Variants in PRKN observed in about 807,000 individuals in gnomAD.
The protein encoded by PRKN is parkin RBR E3 ubiquitin protein ligase, also known as E3 ubiquitin-protein ligase parkin.
In PRKN, 56 loss-of-function variants were observed where a neutral mutation model predicts 59.5. The observed-to-expected ratio is 0.94, with a 90% CI of 0.76 to 1.18. The LOEUF is 1.18. Among genes scored for constraint, PRKN ranks in the 50% most tolerant of loss-of-function variants. PRKN has a pLI of 0.00. For missense variants in PRKN, 657 were observed against 596.4 expected, an observed-to-expected ratio of 1.10 and a Z score of -1.06; for synonymous variants, 250 against 222.1, an observed-to-expected ratio of 1.13 and a Z score of -1.12.
At chr6:162,388,009 A>C (rs1307863279) in intron 2 of PRKN, among the ~76,000 whole-genome samples, 1 of 152,236 alleles carries the variant, frequency 6.6e-6, no homozygotes, top group Non-Finnish European at 1.5e-5. Flanking sequence ...TGGGGAAGGC[A>C]GAGCCAACAA....
In PRKN at chr6:161,533,690, G is replaced by T. The variant is rs759866895; in HGVS notation, c.1083+15164C>A. ...CAAGCCTGCCTATAAAATCTGCTGG[G>T]ATCTGCCACCTTAACCCTTTTTTTC... On this transcript the variant is annotated intron_variant, in intron 9 of 11. Transcript: ENST00000366898. This position sits in a 1 kb window ranked among gnomAD's most constrained non-coding sequence, Gnocchi z 4.1. 6.6e-6 allele frequency among the ~76,000 whole-genome samples: 1 copy of T among 152,096 alleles called. No individual in the cohort carries two copies. Among genetic ancestry groups the T allele is most frequent in the African/African-American group, 2.4e-5 (1 of 41,418 alleles).
chr6:162,273,269 C>T (rs1780474943), intron 2 of PRKN, among the ~76,000 whole-genome samples: 1 of 152,000 alleles, frequency 6.6e-6, no homozygotes, highest in African/African-American at 2.4e-5. Flanking sequence ...GAATGGGAGC[C>T]ATGTTTCCCT....
At chr6:162,261,406 G>C (rs1779880020) in intron 3 of PRKN, among the ~76,000 whole-genome samples, 1 of 151,270 alleles carries the variant, frequency 6.6e-6, no homozygotes, top group Non-Finnish European at 1.5e-5. Context: ...ATTTTCCATT[G>C]TTTGGTTTAT....
chr6:161,920,402 C>G (rs1222886130), intron 6 of PRKN, among the ~76,000 whole-genome samples: 1 of 151,158 alleles, frequency 6.6e-6, no homozygotes. Flanking sequence ...AAAAAGGAAA[C>G]CATAAAACAA....
chr6:162,182,822 G>A (rs764691016), intron 4 of PRKN, among the ~76,000 whole-genome samples: 42 of 152,022 alleles, frequency 2.8e-4, no homozygotes, highest in African/African-American at 5.3e-4. Flanking sequence ...TGCTCATTTT[G>A]TATCTCTTTG....
At chr6:162,685,386 A>G (rs2128233780) in intron 1 of PRKN, among the ~76,000 whole-genome samples, 1 of 152,292 alleles carries the variant, frequency 6.6e-6, no homozygotes, top group East Asian at 1.9e-4. Context: ...AATATTCAGA[A>G]AAGTATATAT....
Position 161,742,854 on chromosome 6 carries a change from C to T in PRKN, c.871+42918G>A, listed in dbSNP as rs560704883. Among the ~76,000 whole-genome samples the T allele has an allele frequency of 4.0e-4, 61 of 152,244 alleles. 2 individuals carry two copies. The South Asian group carries it at 0.011, about 27-fold the overall frequency. On this transcript the variant is annotated intron_variant, in intron 7 of 11. Transcript: ENST00000366898. ...CTGGTGAATGCCCACAGAGGGGTGG[C>T]GCCCCCTCATCTGACAACCAGGCCC... is the stretch of plus-strand genomic sequence containing the variant.
chr6:161,776,768 C>T (rs1420604215), intron 7 of PRKN, among the ~76,000 whole-genome samples: 11 of 152,166 alleles, frequency 7.2e-5, no homozygotes, highest in Non-Finnish European at 1.5e-4. Context: ...AGCAGGAGTA[C>T]GGAGCTCTGG....
At chr6:162,185,476 G>A (rs757534035) in intron 4 of PRKN, among the ~76,000 whole-genome samples, 3 of 152,050 alleles carry the variant, frequency 2.0e-5, no homozygotes, top group Admixed American at 6.6e-5. Context: ...TCATGTTGTC[G>A]AAGGAAACAA....
rs1786750091 is a variant in PRKN at position 161,396,158 on chromosome 6, C to T, written c.1084-9281G>A. ...CGCCTCTTTTCTTACTTTCTCTTTA[C>T]TGTAACCATTTCTGAAAACAATTCC... On this transcript the variant is annotated intron_variant, in intron 9 of 11. Transcript: ENST00000366898. This position sits in a 1 kb window ranked among gnomAD's most constrained non-coding sequence, Gnocchi z 5.4. 6.6e-6 allele frequency among the ~76,000 whole-genome samples: 1 copy of T among 152,186 alleles called. No individual in the cohort carries two copies. The highest frequency in any genetic ancestry group is 2.1e-4 in the South Asian group (1 of 4,830).
intron 1 of PRKN, among the ~76,000 whole-genome samples, chr6:162,660,678 T>C: frequency 6.6e-6 from 1 of 152,120 alleles, no homozygotes; most frequent in Non-Finnish European, 1.5e-5. Context: ...GGTCCTTCTA[T>C]CACTAGTAAC....
chr6:161,460,761 T>C lies in PRKN; in HGVS notation c.1084-73884A>G, dbSNP rs1339993417. Reference sequence around the variant, plus strand: ...CCAACCAAGAGTTATCTTTTTTTTTTTTTTCTTCAGATGGAGTCTCGTTCT... The same window carrying C: ...CCAACCAAGAGTTATCTTTTTTTTTCTTTTCTTCAGATGGAGTCTCGTTCT... On this transcript the variant is annotated intron_variant, in intron 9 of 11. Coordinates refer to ENST00000366898, the MANE Select transcript of PRKN (RefSeq NM_004562.3). The surrounding 1 kb of genome is among the most constrained non-coding windows in gnomAD (Gnocchi z 5.0). Among the ~76,000 whole-genome samples, 1 of 151,684 alleles carries C rather than the reference T, an allele frequency of 6.6e-6. No homozygotes were observed. The highest frequency in any genetic ancestry group is 1.5e-5 in the Non-Finnish European group (1 of 67,874).
chr6:162,272,449 T>C (rs1354097118), intron 2 of PRKN, among the ~76,000 whole-genome samples: 1 of 152,116 alleles, frequency 6.6e-6, no homozygotes, highest in East Asian at 1.9e-4. Flanking sequence ...ATTAAATTAA[T>C]GTTTTTAAAG....
At chr6:162,177,218 C>T (rs1455286270) in intron 4 of PRKN, among the ~76,000 whole-genome samples, 4 of 151,442 alleles carry the variant, frequency 2.6e-5, no homozygotes, top group Admixed American at 6.6e-5. Context: ...ATTATGCAGT[C>T]ATAAAAAATT....
intron 1 of PRKN, among the ~76,000 whole-genome samples, chr6:162,628,660 A>G (rs1034292368): frequency 2.0e-5 from 3 of 152,200 alleles, no homozygotes; most frequent in Non-Finnish European, 4.4e-5. Flanking sequence ...CAGATAAGAC[A>G]AGAAAAAAAA....
chr6:161,887,866 G>C (rs987972360), intron 6 of PRKN, among the ~76,000 whole-genome samples: 8 of 152,102 alleles, frequency 5.3e-5, no homozygotes, highest in African/African-American at 1.4e-4. Context: ...TTTATAAAAG[G>C]AAGTTGAACT....
chr6:162,407,554 C>T (rs1045107317), intron 2 of PRKN, among the ~76,000 whole-genome samples: 1 of 152,122 alleles, frequency 6.6e-6, no homozygotes, highest in African/African-American at 2.4e-5. Context: ...TGATTTCATG[C>T]GTCAACTTCA....
At chr6:162,459,409 A>T (rs1791054241) in intron 1 of PRKN, among the ~76,000 whole-genome samples, 1 of 152,178 alleles carries the variant, frequency 6.6e-6, no homozygotes, top group South Asian at 2.1e-4. Context: ...TTATTAATTA[A>T]TATTTAATGA....
chr6:162,443,537 T>C (rs548127850), intron 1 of PRKN, 64 bp from the exon 2 acceptor site: 41 of 1,477,820 alleles, frequency 2.8e-5, no homozygotes, highest in Middle Eastern at 1.7e-4. Flanking sequence ...TAAATGGTGA[T>C]AGCAACATTT....
Sources: allele counts gnomAD v4.1 joint callset (sites outside exome capture counted in the v4.1 genomes callset), GRCh38; gene constraint gnomAD v4.1.1; non-coding constraint Gnocchi (gnomAD v3.1); transcripts MANE v1.5; gene names NCBI Gene and HGNC (gene_info 2026-07-23, HGNC 2026-07-21).